BIRC6: variants seen among roughly 807,000 people sequenced by gnomAD.
BIRC6 encodes the protein baculoviral IAP repeat containing 6.
In BIRC6, 98 loss-of-function variants were observed where a neutral mutation model predicts 503.3. That is an observed-to-expected ratio of 0.19 (90% CI 0.17 to 0.23). The LOEUF is 0.23. BIRC6 is among the 10% of genes least tolerant of loss of function. The pLI, the probability that BIRC6 is intolerant of heterozygous loss-of-function variation, is 1.00. For synonymous variants in BIRC6, 2,240 were observed against 2,078.7 expected (o/e 1.08, Z -2.11); for missense variants, 5,360 against 5,806.0 (o/e 0.92, Z 2.50).
chr2:32,515,208 C>T lies in BIRC6; in HGVS notation c.10787C>T (p.Ser3596Phe). The T allele has an allele frequency of 1.2e-6, 2 of 1,613,928 alleles. No individual in the cohort carries two copies. The highest frequency in any genetic ancestry group is 2.2e-5 in the East Asian group (1 of 44,884). The change falls in exon 55 of 74, where the codon TCT (serine) becomes TTT (phenylalanine). Residue 3596 changes from serine to phenylalanine, a missense_variant. This residue lies in a region of BIRC6 where 878 missense variants were observed against 928.9 expected (regional missense o/e 0.95). Coordinates refer to ENST00000421745, the MANE Select transcript of BIRC6 (RefSeq NM_016252.4). ...QDLSSSLTDD[S>F]KNAQAPLALT... is the part of the protein sequence containing the mutation. ...CTTAGTTCATCTTTAACAGATGACT[C>T]TAAAAATGCACAAGCACCTCTCGCA...
intron 10 of BIRC6, among the ~76,000 whole-genome samples, chr2:32,424,969 T>A (rs1488913491): frequency 1.3e-5 from 2 of 152,208 alleles, no homozygotes; most frequent in Non-Finnish European, 2.9e-5. Context: ...TGAAGTGGTA[T>A]CTGTTGTGGT....
chr2:32,474,755 G>A (rs532758391), intron 33 of BIRC6, among the ~76,000 whole-genome samples: 1 of 152,140 alleles, frequency 6.6e-6, no homozygotes, highest in Non-Finnish European at 1.5e-5. Context: ...TCTTGCATAC[G>A]TTAATGGTAG....
Position 32,377,752 on chromosome 2 carries a change from G to T in BIRC6, c.490G>T (p.Glu164Ter). ...AAAGCAGGATGATGTGGTTCAGCTT[G>T]AATTACCCGTTACAGAGGTAAGTTG... is the stretch of plus-strand genomic sequence containing the variant. ...VSKQDDVVQL[E>*]LPVTEAQQLL... The change falls in exon 2 of 74, where the codon GAA becomes TAA. Residue 164 changes from glutamate to a stop codon, truncating the protein, a stop_gained. Transcript: ENST00000421745. LOFTEE classifies it high-confidence loss of function. 1 of 1,612,666 alleles carries T rather than the reference G, an allele frequency of 6.2e-7. No homozygotes were observed. Among genetic ancestry groups the T allele is most frequent in the South Asian group, 1.1e-5 (1 of 90,796 alleles).
intron 22 of BIRC6, among the ~76,000 whole-genome samples, chr2:32,451,978 G>A (rs534422238): frequency 2.7e-4 from 41 of 152,106 alleles, no homozygotes; most frequent in Admixed American, 9.8e-4. Flanking sequence ...AGTATGCATG[G>A]GTAAAGTTCT....
chr2:32,376,829 G>A (rs1389158416), intron 1 of BIRC6, among the ~76,000 whole-genome samples: 1 of 152,148 alleles, frequency 6.6e-6, no homozygotes, highest in Non-Finnish European at 1.5e-5. Flanking sequence ...CAATATATTA[G>A]GAGTTATGTG....
In BIRC6 at chr2:32,493,522, A is replaced by C. The variant is rs1165454762; in HGVS notation, c.8341-18A>C. Reference sequence around the variant, plus strand: ...GTTACCAGTAAGCAGTTTTCAGTGAATATACATTTCTCTTTAGGTTGGTCC... The same window carrying C: ...GTTACCAGTAAGCAGTTTTCAGTGACTATACATTTCTCTTTAGGTTGGTCC... On this transcript the variant is annotated intron_variant, in intron 44 of 73. Transcript: ENST00000421745. 6.3e-7 allele frequency: 1 copy of C among 1,585,298 alleles called. No homozygotes were observed. Among genetic ancestry groups the C allele is most frequent in the Non-Finnish European group, 8.6e-7 (1 of 1,162,140 alleles).
chr2:32,369,807 A>T (rs1022917466), intron 1 of BIRC6, among the ~76,000 whole-genome samples: 1 of 149,982 alleles, frequency 6.7e-6, no homozygotes, highest in Non-Finnish European at 1.5e-5. Context: ...ACTTAACTAT[A>T]GCCAGTTTAG....
Position 32,575,391 on chromosome 2 carries a change from C to T in BIRC6, c.13355+25C>T, listed in dbSNP as rs769735711. On this transcript the variant is annotated intron_variant, in intron 66 of 73. Coordinates refer to ENST00000421745, the MANE Select transcript of BIRC6 (RefSeq NM_016252.4). Reference sequence around the variant, plus strand: ...GGTACTATATACAATGTTCATTTCTCTTGAGTTTGCCTCTAACAATGTTTT... The same window carrying T: ...GGTACTATATACAATGTTCATTTCTTTTGAGTTTGCCTCTAACAATGTTTT... The T allele has an allele frequency of 2.0e-5, 32 of 1,599,178 alleles. No homozygotes were observed. The Middle Eastern group carries it at 2.0e-3, about 100-fold the overall frequency.
chr2:32,465,767 C>T (rs2048477276), intron 26 of BIRC6, among the ~76,000 whole-genome samples: 2 of 152,120 alleles, frequency 1.3e-5, no homozygotes, highest in South Asian at 2.1e-4. Context: ...TCAACAAAAT[C>T]CTCAGGGAAA....
chr2:32,599,021 CAAAAAAA>C (rs35744882), intron 69 of BIRC6, among the ~76,000 whole-genome samples: 2 of 27,812 alleles, frequency 7.2e-5, no homozygotes, highest in Non-Finnish European at 1.3e-4. Flanking sequence ...AACTCCATCT[CAAAAAAA>C]AAAAAAAAAA....
At chr2:32,492,048 T>C (rs976002918) in intron 44 of BIRC6, among the ~76,000 whole-genome samples, 2 of 152,170 alleles carry the variant, frequency 1.3e-5, no homozygotes, top group African/African-American at 2.4e-5. Context: ...TTTCTTGTTA[T>C]GTTGTACTGC....
intron 61 of BIRC6, among the ~76,000 whole-genome samples, chr2:32,542,564 CAGAATT>C (rs1029779144): frequency 6.6e-6 from 1 of 152,130 alleles, no homozygotes; most frequent in Non-Finnish European, 1.5e-5. Context: ...GAAAGAATGA[CAGAATT>C]AGAAAGTTCT....
chr2:32,531,645 G>A (rs1480644238), intron 61 of BIRC6, 94 bp downstream of exon 61: 1 of 1,089,826 alleles, frequency 9.2e-7, no homozygotes, highest in African/African-American at 1.6e-5. Flanking sequence ...GATTAACTTT[G>A]TAGAAATACC....
chr2:32,577,234 A>G (rs1403410896), intron 66 of BIRC6, among the ~76,000 whole-genome samples: 1 of 152,144 alleles, frequency 6.6e-6, no homozygotes, highest in Admixed American at 6.5e-5. Flanking sequence ...ATCAATATGT[A>G]TAATATATAC....
At chr2:32,537,692 C>T (rs1246120382) in intron 61 of BIRC6, among the ~76,000 whole-genome samples, 2 of 152,128 alleles carry the variant, frequency 1.3e-5, no homozygotes, top group Admixed American at 6.5e-5. Context: ...TTAGGCCGGG[C>T]GCAGTGGCTC....
chr2:32,368,735 T>A (rs1392742307), intron 1 of BIRC6, among the ~76,000 whole-genome samples: 1 of 152,068 alleles, frequency 6.6e-6, no homozygotes, highest in Admixed American at 6.6e-5. Context: ...CACTTCAACG[T>A]CTTCCTCCTG....
At chr2:32,582,529 C>T (rs963861298) in intron 66 of BIRC6, among the ~76,000 whole-genome samples, 5 of 152,026 alleles carry the variant, frequency 3.3e-5, no homozygotes, top group African/African-American at 1.2e-4. Context: ...TTTGAGAGGC[C>T]GAGGCAGGTG....
chr2:32,488,411 A>C (rs1320691380), intron 41 of BIRC6, among the ~76,000 whole-genome samples, 177 bp from the exon 42 acceptor site: 1 of 152,192 alleles, frequency 6.6e-6, no homozygotes, highest in Non-Finnish European at 1.5e-5. Flanking sequence ...GAATTTTAAG[A>C]TGTGTTTGCT....
intron 23 of BIRC6, among the ~76,000 whole-genome samples, chr2:32,455,427 C>G (rs2047148730): frequency 6.6e-6 from 1 of 150,742 alleles, no homozygotes; most frequent in Non-Finnish European, 1.5e-5. Flanking sequence ...TTGAGACAAG[C>G]CTGGTCAACA....
Sources: gnomAD v4.1 joint callset for allele counts (sites outside exome capture counted in the v4.1 genomes callset) on GRCh38, gnomAD v4.1.1 for gene constraint, gnomAD v4.1.1 regional missense constraint, MANE v1.5 for transcripts, NCBI Gene and HGNC (gene_info 2026-07-23, HGNC 2026-07-21) for gene names.